The following C12orf42 variants were observed in gnomAD, a reference collection of about 807,000 sequenced individuals.
C12orf42 encodes the protein chromosome 12 open reading frame 42.
Under a neutral mutation model 21.6 loss-of-function variants are expected in C12orf42, and 25 were observed. The observed-to-expected ratio is 1.16, with a 90% CI of 0.84 to 1.62. The LOEUF (loss-of-function observed/expected upper bound fraction) is 1.62. Among genes scored for constraint, C12orf42 ranks in the 40% most tolerant of loss-of-function variants. The probability of loss-of-function intolerance (pLI) is 0.00; values close to 1 mark genes in which losing one functional copy is unlikely to be tolerated. For synonymous variants in C12orf42, 174 were observed against 175.0 expected, an observed-to-expected ratio of 0.99 and a Z score of 0.05; for missense variants, 483 against 459.3, an observed-to-expected ratio of 1.05 and a Z score of -0.47.
chr12:103,537,498 T>C, the C12orf42 span, among the ~76,000 whole-genome samples: 2 of 152,140 alleles, frequency 1.3e-5, no homozygotes, highest in African/African-American at 4.8e-5. Flanking sequence ...GCAAGAGTTT[T>C]ACCAACACAA....
Position 103,302,159 on chromosome 12 carries a change from CGTATG to C in C12orf42, c.1027_1031del (p.His343GlyfsTer8), listed in dbSNP as rs1445888350. On this transcript the variant is annotated frameshift_variant, in exon 6 of 6. Transcript: ENST00000548883. LOFTEE classifies it high-confidence loss of function. ...GCCTAGAAAGGGCCTGTGAACAAAC[CGTATG>C]GAAACGCCGGGTTGGGCGGGGGGGT... 1 of 1,610,336 alleles carries C rather than the reference CGTATG, an allele frequency of 6.2e-7. No homozygotes were observed. Among genetic ancestry groups the C allele is most frequent in the East Asian group, 2.2e-5 (1 of 44,694 alleles).
intron 3 of C12orf42, among the ~76,000 whole-genome samples, chr12:103,392,173 A>G (rs1753066728): frequency 6.6e-6 from 1 of 152,178 alleles, no homozygotes; most frequent in Admixed American, 6.5e-5. Flanking sequence ...TTTCAATTCC[A>G]TCAGTTTATA....
intron 4 of C12orf42, among the ~76,000 whole-genome samples, chr12:103,337,118 G>C (rs1712973561): frequency 6.6e-6 from 1 of 152,196 alleles, no homozygotes; most frequent in Admixed American, 6.5e-5. Flanking sequence ...GTGCTGTTCT[G>C]AGTGGTCTAT....
At chr12:103,293,208 C>G (rs1002168445) in intron 4 of C12orf42, among the ~76,000 whole-genome samples, 2 of 152,048 alleles carry the variant, frequency 1.3e-5, no homozygotes, top group African/African-American at 4.8e-5. Context: ...TCTTTCTCTC[C>G]TCCATGAATC....
At chr12:103,320,693 C>A (rs1322637457) in intron 4 of C12orf42, among the ~76,000 whole-genome samples, 1 of 151,810 alleles carries the variant, frequency 6.6e-6, no homozygotes, top group Non-Finnish European at 1.5e-5. Flanking sequence ...TATTAAATAT[C>A]ATCTTTTTAA....
At chr12:103,548,142 G>A in the C12orf42 span, among the ~76,000 whole-genome samples, 3 of 152,228 alleles carry the variant, frequency 2.0e-5, no homozygotes, top group Non-Finnish European at 4.4e-5. Context: ...AGGTAAGTGA[G>A]GAATCCTGAG....
At chr12:103,203,392 C>A in the C12orf42 span, among the ~76,000 whole-genome samples, 1 of 152,060 alleles carries the variant, frequency 6.6e-6, no homozygotes, top group Non-Finnish European at 1.5e-5. Flanking sequence ...GTTTACTGGA[C>A]CCAGGCAAAG....
intron 2 of C12orf42, among the ~76,000 whole-genome samples, chr12:103,438,606 A>C (rs1361818416): frequency 6.6e-6 from 1 of 151,898 alleles, no homozygotes; most frequent in Non-Finnish European, 1.5e-5. Context: ...ATTCTTATAC[A>C]CCAACAACAG....
At chr12:103,458,235 G>A (rs900750418) in intron 2 of C12orf42, among the ~76,000 whole-genome samples, 6 of 152,066 alleles carry the variant, frequency 3.9e-5, no homozygotes, top group African/African-American at 9.7e-5. Flanking sequence ...TAAAGAAGAC[G>A]TTGGGGGCAG....
At chr12:103,235,152 C>T (rs1028201202), downstream of C12orf42, among the ~76,000 whole-genome samples, 2 of 152,076 alleles carry the variant, frequency 1.3e-5, no homozygotes, top group African/African-American at 4.8e-5. Context: ...CATTTTTATA[C>T]TAATTGTTGT....
chr12:103,521,911 A>G, the C12orf42 span, among the ~76,000 whole-genome samples: 1 of 152,170 alleles, frequency 6.6e-6, no homozygotes, highest in Non-Finnish European at 1.5e-5. Flanking sequence ...GCTTAAGTCG[A>G]TATATTAACA....
At chr12:103,219,095 G>T in the C12orf42 span, among the ~76,000 whole-genome samples, 1 of 152,178 alleles carries the variant, frequency 6.6e-6, no homozygotes, top group East Asian at 1.9e-4. Flanking sequence ...GGGGGCTGAA[G>T]CCAGGGAGCC....
At chr12:103,401,584 C>A (rs771136039) in intron 3 of C12orf42, 23 bp downstream of exon 3, 35 of 1,609,548 alleles carry the variant, frequency 2.2e-5, no homozygotes, top group Non-Finnish European at 3.0e-5. Context: ...AGCAGCCCTG[C>A]ACATAACATT....
the C12orf42 span, among the ~76,000 whole-genome samples, chr12:103,509,394 C>T: frequency 6.6e-6 from 1 of 152,148 alleles, no homozygotes; most frequent in Non-Finnish European, 1.5e-5. Flanking sequence ...AAAAATAAAT[C>T]TCAGCCCCTG....
the C12orf42 span, chr12:103,505,045 G>A: frequency 3.4e-6 from 1 of 293,422 alleles, no homozygotes; most frequent in Admixed American, 3.5e-5. Flanking sequence ...AGCGGATGGA[G>A]TGGGAAGTGA....
chr12:103,371,278 G>C lies in C12orf42; in HGVS notation c.148-2280C>G, dbSNP rs556716967. Reference sequence around the variant, plus strand: ...AAAAAAGCTAAGTGGGAGGTTCCTAGGAGGGCACTGGAGTAGGAACTCTCT... The same window carrying C: ...AAAAAAGCTAAGTGGGAGGTTCCTACGAGGGCACTGGAGTAGGAACTCTCT... On this transcript the variant is annotated intron_variant, in intron 3 of 5. Coordinates refer to ENST00000548883, the MANE Select transcript of C12orf42 (RefSeq NM_198521.5). Among the ~76,000 whole-genome samples the C allele has an allele frequency of 1.2e-3, 176 of 152,150 alleles. 1 individual carries two copies. Among genetic ancestry groups the C allele is most frequent in the Middle Eastern group, 6.8e-3 (2 of 294 alleles).
downstream of C12orf42, among the ~76,000 whole-genome samples, chr12:103,265,426 G>T (rs956543780): frequency 6.6e-6 from 1 of 151,908 alleles, no homozygotes; most frequent in African/African-American, 2.4e-5. Context: ...ATAGAAAACT[G>T]CTTTACCTAT....
At chr12:103,163,596 T>A in the C12orf42 span, among the ~76,000 whole-genome samples, 1 of 152,154 alleles carries the variant, frequency 6.6e-6, no homozygotes, top group Non-Finnish European at 1.5e-5. Context: ...CCATCACCAA[T>A]TAATTAAAAA....
intron 2 of C12orf42, among the ~76,000 whole-genome samples, chr12:103,474,526 A>G (rs2137941580): frequency 6.6e-6 from 1 of 152,170 alleles, no homozygotes; most frequent in Admixed American, 6.5e-5. Flanking sequence ...TCAAAAATCC[A>G]TGTGGAACAC....
Sources: gnomAD v4.1 joint callset for allele counts (sites outside exome capture counted in the v4.1 genomes callset) on GRCh38, gnomAD v4.1.1 for gene constraint, MANE v1.5 for transcripts, NCBI Gene and HGNC (gene_info 2026-07-23, HGNC 2026-07-21) for gene names.